The following VSTM2L variants were observed in gnomAD, a reference collection of about 807,000 sequenced individuals.
The protein encoded by VSTM2L is V-set and transmembrane domain containing 2 like.
In VSTM2L, 9 loss-of-function variants were observed where a neutral mutation model predicts 19.9. The ratio of observed to expected loss-of-function variants is 0.45; its 90% CI spans 0.27 to 0.79. VSTM2L has a LOEUF of 0.79. Among genes scored for constraint, VSTM2L ranks in the 30% least tolerant of loss-of-function variants. The pLI, the probability that VSTM2L is intolerant of heterozygous loss-of-function variation, is 0.15. For missense variants in VSTM2L, 286 were observed against 295.5 expected (o/e 0.97, Z 0.24); for synonymous variants, 127 against 133.8 (o/e 0.95, Z 0.35).
In VSTM2L at chr20:37,945,152, CCTG is replaced by C; in HGVS notation, c.*901_*903del. The C allele has an allele frequency of 3.0e-6, 3 of 985,696 alleles. No individual in the cohort carries two copies. The highest frequency in any genetic ancestry group is 3.6e-6 in the Non-Finnish European group (3 of 829,942). The allele number at this position is 985,696 out of a possible 1,614,324, so 61.1% of individuals were successfully genotyped here. A position where few individuals can be genotyped will look rare whatever the true frequency, so the allele number is the denominator to read the frequency against. The stretch of plus-strand genomic sequence containing the variant: ...CTCACGATTCCCGATCACGGGCACA[CCTG>C]CCCCCTGGTTATTTGTAAATATTTC... On this transcript the variant is annotated 3_prime_UTR_variant, in exon 4 of 4. Coordinates refer to ENST00000373461, the MANE Select transcript of VSTM2L (RefSeq NM_080607.3).
In VSTM2L at chr20:37,905,889, G is replaced by A. The variant is rs529840722; in HGVS notation, c.121+2418G>A. Among the ~76,000 whole-genome samples, 15 of 152,322 alleles carry A rather than the reference G, an allele frequency of 9.8e-5. No homozygotes were observed. The East Asian group carries it at 2.9e-3, about 29-fold the overall frequency. ...ATGTCTAATAAGCTATTTGTGTTCA[G>A]GAGGAGAATACCAATTTGATAAAAG... On this transcript the variant is annotated intron_variant, in intron 1 of 3. Coordinates refer to ENST00000373461, the MANE Select transcript of VSTM2L (RefSeq NM_080607.3).
intron 3 of VSTM2L, among the ~76,000 whole-genome samples, chr20:37,941,791 G>A (rs2072973474): frequency 6.6e-6 from 1 of 151,760 alleles, no homozygotes; most frequent in Non-Finnish European, 1.5e-5. Context: ...GTCCAGGCAG[G>A]ACAGGGGCTG....
At chr20:37,920,493 G>A (rs978130230) in intron 1 of VSTM2L, among the ~76,000 whole-genome samples, 10 of 152,332 alleles carry the variant, frequency 6.6e-5, no homozygotes, top group South Asian at 2.1e-4. Context: ...TCTTGGTTGC[G>A]TTTCACAAGA....
chr20:37,934,002 C>T (rs1017455330), intron 3 of VSTM2L, among the ~76,000 whole-genome samples: 1 of 152,214 alleles, frequency 6.6e-6, no homozygotes, highest in African/African-American at 2.4e-5. Flanking sequence ...GTGGGGGCAC[C>T]CTAGCCAAAG....
intron 3 of VSTM2L, among the ~76,000 whole-genome samples, chr20:37,934,235 T>A (rs1344317992): frequency 6.6e-6 from 1 of 152,092 alleles, no homozygotes; most frequent in Non-Finnish European, 1.5e-5. Flanking sequence ...CCAGTGCAGC[T>A]GGGGCCCAGG....
chr20:37,932,373 C>T (rs1234784646), intron 2 of VSTM2L, among the ~76,000 whole-genome samples: 1 of 152,082 alleles, frequency 6.6e-6, no homozygotes, highest in Non-Finnish European at 1.5e-5. Context: ...GCAGCGTGCT[C>T]TGGGACCAGC....
intron 3 of VSTM2L, among the ~76,000 whole-genome samples, chr20:37,937,218 G>A (rs2122975133): frequency 6.6e-6 from 1 of 152,218 alleles, no homozygotes; most frequent in African/African-American, 2.4e-5. Context: ...TGGGAGGACA[G>A]GCATCTGTAA....
At chr20:37,936,325 T>C (rs2072940185) in intron 3 of VSTM2L, among the ~76,000 whole-genome samples, 1 of 152,186 alleles carries the variant, frequency 6.6e-6, no homozygotes, top group Admixed American at 6.5e-5. Context: ...GGCAGGGACC[T>C]AGGCCCCATA....
chr20:37,932,187 G>A (rs1420702770), intron 2 of VSTM2L, among the ~76,000 whole-genome samples: 1 of 152,208 alleles, frequency 6.6e-6, no homozygotes, highest in Non-Finnish European at 1.5e-5. Flanking sequence ...CACACGGGCA[G>A]CCTTTTTATA....
chr20:37,927,695 G>T (rs1039516427), intron 1 of VSTM2L, among the ~76,000 whole-genome samples: 3 of 152,202 alleles, frequency 2.0e-5, no homozygotes, highest in Non-Finnish European at 2.9e-5. Flanking sequence ...GTTTTCTGTC[G>T]GTTGGCAGGG....
intron 1 of VSTM2L, among the ~76,000 whole-genome samples, chr20:37,912,539 T>G (rs1170259650): frequency 6.6e-6 from 1 of 152,098 alleles, no homozygotes; most frequent in African/African-American, 2.4e-5. Context: ...CTGTGTGTGG[T>G]TGAAGGGGCA....
At chr20:37,916,017 G>A (rs2072816520) in intron 1 of VSTM2L, among the ~76,000 whole-genome samples, 1 of 152,116 alleles carries the variant, frequency 6.6e-6, no homozygotes, top group African/African-American at 2.4e-5. Flanking sequence ...CCTTTCTGGC[G>A]TGCTGGAGCA....
At chr20:37,942,251 G>A (rs1184677217) in intron 3 of VSTM2L, among the ~76,000 whole-genome samples, 1 of 152,216 alleles carries the variant, frequency 6.6e-6, no homozygotes, top group African/African-American at 2.4e-5. Context: ...GGAGGCTGAG[G>A]TGGGTTGATC....
At chr20:37,914,372 G>C (rs1236871965) in intron 1 of VSTM2L, among the ~76,000 whole-genome samples, 36 of 149,772 alleles carry the variant, frequency 2.4e-4, no homozygotes, top group African/African-American at 7.4e-4. Context: ...TTATATATGT[G>C]TGTGGGTGTA....
rs778806227 is a variant in VSTM2L at position 37,903,346 on chromosome 20, G to A, written c.-5G>A. On this transcript the variant is annotated 5_prime_UTR_variant, in exon 1 of 4. Coordinates refer to ENST00000373461, the MANE Select transcript of VSTM2L (RefSeq NM_080607.3). Reference sequence around the variant, plus strand: ...GCGGCGGCGCCCCCGGCCCGAGAGCGCACGATGGGGGCCCCGCTCGCCGTA... The same window carrying A: ...GCGGCGGCGCCCCCGGCCCGAGAGCACACGATGGGGGCCCCGCTCGCCGTA... 5 of 1,457,192 alleles carry A rather than the reference G, an allele frequency of 3.4e-6. No individual in the cohort carries two copies. Among genetic ancestry groups the A allele is most frequent in the Non-Finnish European group, 4.5e-6 (5 of 1,110,950 alleles). The allele number at this position is 1,457,192 out of a possible 1,614,324, so 90.3% of individuals were successfully genotyped here.
At chr20:37,929,202 G>C (rs2122964155) in intron 1 of VSTM2L, among the ~76,000 whole-genome samples, 1 of 152,290 alleles carries the variant, frequency 6.6e-6, no homozygotes, top group South Asian at 2.1e-4. Context: ...AGTTCCAGGG[G>C]AGTCTGAGGA....
chr20:37,926,827 G>A (rs1341184696), intron 1 of VSTM2L, among the ~76,000 whole-genome samples: 1 of 152,224 alleles, frequency 6.6e-6, no homozygotes, highest in Admixed American at 6.5e-5. Flanking sequence ...AGCTGGCAGA[G>A]CTCACTCACC....
At chr20:37,910,170 G>GA (rs2072772154) in intron 1 of VSTM2L, among the ~76,000 whole-genome samples, 1 of 152,234 alleles carries the variant, frequency 6.6e-6, no homozygotes, top group Admixed American at 6.5e-5. Context: ...AATGTGTACT[G>GA]AAAAAATATA....
At chr20:37,930,117 C>T (rs2072900286) in intron 1 of VSTM2L, among the ~76,000 whole-genome samples, 1 of 152,244 alleles carries the variant, frequency 6.6e-6, no homozygotes, top group Admixed American at 6.5e-5. Context: ...AACCCTTGAC[C>T]TTGAGGATTA....
Sources: gnomAD v4.1 joint callset for allele counts (sites outside exome capture counted in the v4.1 genomes callset) on GRCh38, gnomAD v4.1.1 for gene constraint, MANE v1.5 for transcripts, NCBI Gene and HGNC (gene_info 2026-07-23, HGNC 2026-07-21) for gene names.